CSPP1: variants seen among roughly 807,000 people sequenced by gnomAD.
CSPP1 encodes the protein centrosome and spindle pole-associated protein 1.
A neutral mutation model predicts 164.4 loss-of-function variants in CSPP1; 126 were observed. The observed-to-expected ratio is 0.77, with a 90% CI of 0.66 to 0.89. The LOEUF is 0.89. Ranked by LOEUF, CSPP1 falls within the 40% of genes least tolerant of loss-of-function variation. The pLI, the probability that CSPP1 is intolerant of heterozygous loss-of-function variation, is 0.00. For missense variants in CSPP1, 1,395 were observed against 1,449.8 expected, an observed-to-expected ratio of 0.96 and a Z score of 0.61; for synonymous variants, 472 against 476.7, an observed-to-expected ratio of 0.99 and a Z score of 0.13.
At chr8:67,118,625 T>C in intron 14 of CSPP1, 118 bp from the exon 15 acceptor site, 1 of 761,228 alleles carries the variant, frequency 1.3e-6, no homozygotes. Context: ...GAAGGAAATA[T>C]TGATGGTTTT....
At chr8:67,107,879 CTTCT>C (rs1451374124) in intron 9 of CSPP1, among the ~76,000 whole-genome samples, 1 of 151,606 alleles carries the variant, frequency 6.6e-6, no homozygotes, top group Non-Finnish European at 1.5e-5. Context: ...GGGGATTTTC[CTTCT>C]ATCTTTTTTG....
At chr8:67,090,917 A>G (rs1277981077) in intron 4 of CSPP1, among the ~76,000 whole-genome samples, 1 of 152,202 alleles carries the variant, frequency 6.6e-6, no homozygotes, top group Non-Finnish European at 1.5e-5. Context: ...TTTTATAGAC[A>G]AGGAAACTGA....
At position 67,074,231 on chromosome 8, in the gene CSPP1, T is replaced by G; in HGVS notation, c.-10-12T>G. 1.3e-6 allele frequency: 2 copies of G among 1,559,244 alleles called. No individual in the cohort carries two copies. Among genetic ancestry groups the G allele is most frequent in the Non-Finnish European group, 1.8e-6 (2 of 1,135,294 alleles). ...GTGATATAGATACGCTCACTGAAAT[T>G]TTTTTTTAAAGAATCTGCAAAATGG... On this transcript the variant is annotated splice_polypyrimidine_tract_variant and intron_variant, in intron 1 of 30. Coordinates refer to ENST00000678616, the MANE Select transcript of CSPP1 (RefSeq NM_001382391.1).
At chr8:67,160,677 C>T in intron 21 of CSPP1, among the ~76,000 whole-genome samples, 1 of 151,730 alleles carries the variant, frequency 6.6e-6, no homozygotes, top group South Asian at 2.1e-4. Flanking sequence ...CATTTTCTTT[C>T]ATTTATGTAT....
intron 29 of CSPP1, among the ~76,000 whole-genome samples, chr8:67,191,889 C>G (rs1403861462): frequency 6.6e-6 from 1 of 152,124 alleles, no homozygotes; most frequent in Non-Finnish European, 1.5e-5. Flanking sequence ...GTTGTAATTT[C>G]TGTATATCCT....
intron 21 of CSPP1, among the ~76,000 whole-genome samples, chr8:67,159,642 C>T (rs1827374947): frequency 6.7e-6 from 1 of 150,112 alleles, no homozygotes; most frequent in Non-Finnish European, 1.5e-5. Context: ...CTGCCTCAGC[C>T]TCTCAAGTAG....
intron 13 of CSPP1, 143 bp downstream of exon 13, chr8:67,116,265 TTTG>T (rs1373538512): frequency 6.6e-5 from 40 of 604,156 alleles, no homozygotes; most frequent in Middle Eastern, 3.1e-4. Context: ...TCTCTTGAAA[TTTG>T]TTTTTTTCTC....
At chr8:67,106,728 G>A (rs1815619712) in intron 9 of CSPP1, among the ~76,000 whole-genome samples, 1 of 152,032 alleles carries the variant, frequency 6.6e-6, no homozygotes, top group African/African-American at 2.4e-5. Context: ...AGGTCTTTTT[G>A]TGAAAACTGT....
At chr8:67,092,896 A>C (rs1811923131) in intron 5 of CSPP1, among the ~76,000 whole-genome samples, 1 of 152,182 alleles carries the variant, frequency 6.6e-6, no homozygotes, top group African/African-American at 2.4e-5. Flanking sequence ...TTTTAAGTTT[A>C]AAATATAAAG....
At chr8:67,142,809 A>G (rs986409017) in intron 17 of CSPP1, among the ~76,000 whole-genome samples, 1 of 152,110 alleles carries the variant, frequency 6.6e-6, no homozygotes, top group African/African-American at 2.4e-5. Flanking sequence ...GTTGCTCTGA[A>G]TTTTCATCAG....
intron 17 of CSPP1, among the ~76,000 whole-genome samples, chr8:67,140,384 C>G (rs1823260671): frequency 6.6e-6 from 1 of 152,130 alleles, no homozygotes; most frequent in Non-Finnish European, 1.5e-5. Flanking sequence ...TGTGCCCAGC[C>G]TACTTTAATT....
Position 67,074,105 on chromosome 8 carries a change from A to G in CSPP1, c.-10-138A>G, listed in dbSNP as rs182286140. The G allele has an allele frequency of 2.2e-4, 116 of 532,184 alleles. 1 individual carries two copies. The East Asian group carries it at 3.4e-3, about 15-fold the overall frequency. The allele number at this position is 532,184 out of a possible 1,614,324, so 33.0% of individuals were successfully genotyped here. ...GCTGGGAGAGGCAGTAGGCAGGCAT[A>G]TTTATGATCAATCTTAAGTTTGAAT... is the stretch of plus-strand genomic sequence containing the variant. On this transcript the variant is annotated intron_variant, in intron 1 of 30. Transcript: ENST00000678616.
intron 18 of CSPP1, among the ~76,000 whole-genome samples, chr8:67,152,510 A>G (rs2129558670): frequency 6.6e-6 from 1 of 152,330 alleles, no homozygotes; most frequent in Non-Finnish European, 1.5e-5. Flanking sequence ...TTCTTTGTAT[A>G]TAGCAAGTGT....
chr8:67,160,796 T>G (rs1828193428), intron 21 of CSPP1, among the ~76,000 whole-genome samples: 1 of 151,850 alleles, frequency 6.6e-6, no homozygotes, highest in African/African-American at 2.4e-5. Context: ...TTTAAAATCC[T>G]AATCTGAGTT....
intron 7 of CSPP1, 115 bp downstream of exon 7, chr8:67,095,847 AT>A (rs1309697134): frequency 5.7e-5 from 37 of 649,176 alleles, no homozygotes; most frequent in Non-Finnish European, 9.6e-5. Context: ...ATTTATCATA[AT>A]TAATTCTAAG....
At chr8:67,109,562 T>C (rs1563577989) in intron 9 of CSPP1, among the ~76,000 whole-genome samples, 1 of 152,166 alleles carries the variant, frequency 6.6e-6, no homozygotes, top group Non-Finnish European at 1.5e-5. Flanking sequence ...GGGAGGGAAT[T>C]ATACAGGGAT....
intron 15 of CSPP1, among the ~76,000 whole-genome samples, chr8:67,128,567 G>A (rs942853978): frequency 1.9e-4 from 28 of 151,294 alleles, no homozygotes; most frequent in Admixed American, 1.3e-3. Context: ...CTTCTTGGCC[G>A]GGTTCAGTCT....
intron 1 of CSPP1, 129 bp from the exon 2 acceptor site, chr8:67,074,114 C>T (rs1807394330): frequency 5.5e-6 from 3 of 550,370 alleles, no homozygotes; most frequent in South Asian, 3.0e-5. Context: ...TATTTATGAT[C>T]AATCTTAAGT....
intron 12 of CSPP1, chr8:67,114,953 TA>T (rs749602753): frequency 1.5e-4 from 23 of 152,358 alleles, no homozygotes; most frequent in Non-Finnish European, 3.1e-4. Flanking sequence ...AAAGGGCACA[TA>T]AGTGATGTTC....
Sources: allele counts gnomAD v4.1 joint callset (sites outside exome capture counted in the v4.1 genomes callset), GRCh38; gene constraint gnomAD v4.1.1; transcripts MANE v1.5; gene names NCBI Gene and HGNC (gene_info 2026-07-23, HGNC 2026-07-21).